Variants in MACROD2 observed in about 807,000 individuals in gnomAD.
MACROD2 encodes the protein ADP-ribose glycohydrolase MACROD2.
Under a neutral mutation model 70.4 loss-of-function variants are expected in MACROD2, and 36 were observed. The observed-to-expected ratio is 0.51, with a 90% CI of 0.39 to 0.68. The LOEUF (loss-of-function observed/expected upper bound fraction) is 0.68, where lower values mean the gene tolerates loss of function less well. Ranked by LOEUF, MACROD2 falls within the 30% of genes least tolerant of loss-of-function variation. The probability of loss-of-function intolerance (pLI) is 0.00; values close to 1 mark genes in which losing one functional copy is unlikely to be tolerated. For synonymous variants in MACROD2, 172 were observed against 178.8 expected, an observed-to-expected ratio of 0.96 and a Z score of 0.30; for missense variants, 496 against 538.4, an observed-to-expected ratio of 0.92 and a Z score of 0.78.
chr20:14,669,832 A>C (rs2070775089), intron 4 of MACROD2, among the ~76,000 whole-genome samples: 1 of 151,908 alleles, frequency 6.6e-6, no homozygotes. Context: ...CAAGGGCACA[A>C]TCTGTGCCTT....
At chr20:15,106,765 C>T (rs2075913918) in intron 5 of MACROD2, among the ~76,000 whole-genome samples, 1 of 152,162 alleles carries the variant, frequency 6.6e-6, no homozygotes, top group Admixed American at 6.5e-5. Context: ...CAGGACAGAG[C>T]ACTGCCCAGA....
At chr20:14,637,632 C>G (rs1984853262) in intron 4 of MACROD2, among the ~76,000 whole-genome samples, 1 of 152,188 alleles carries the variant, frequency 6.6e-6, no homozygotes, top group Non-Finnish European at 1.5e-5. Context: ...CTGTTGCTCA[C>G]ATTGTACTAC....
intron 9 of MACROD2, among the ~76,000 whole-genome samples, chr20:15,869,957 G>T (rs1262717846): frequency 6.6e-6 from 1 of 152,068 alleles, no homozygotes; most frequent in Non-Finnish European, 1.5e-5. Flanking sequence ...CACTGAGAAA[G>T]TGTAGCTTTG....
At chr20:14,803,669 CG>C (rs1293022757) in intron 5 of MACROD2, among the ~76,000 whole-genome samples, 2 of 151,832 alleles carry the variant, frequency 1.3e-5, no homozygotes, top group East Asian at 1.9e-4. Flanking sequence ...TTAGTAGAGA[CG>C]GGGTTTCACT....
At chr20:15,257,915 C>G (rs549025255) in intron 6 of MACROD2, among the ~76,000 whole-genome samples, 1 of 151,820 alleles carries the variant, frequency 6.6e-6, no homozygotes, top group Non-Finnish European at 1.5e-5. Flanking sequence ...GTGTTATTGC[C>G]CCTGAAGACC....
chr20:14,544,980 G>C (rs1490014943), intron 4 of MACROD2, among the ~76,000 whole-genome samples: 1 of 152,180 alleles, frequency 6.6e-6, no homozygotes, highest in African/African-American at 2.4e-5. Flanking sequence ...AGCTCGGCCT[G>C]CCTGAAATGG....
intron 8 of MACROD2, among the ~76,000 whole-genome samples, chr20:15,744,696 AC>A (rs2051154565): frequency 1.1e-3 from 1 of 938 alleles, no homozygotes; most frequent in Non-Finnish European, 1.9e-3. Context: ...CCAAGTATAC[AC>A]ACACACACAC....
chr20:15,172,333 A>G (rs2076428746), intron 5 of MACROD2, among the ~76,000 whole-genome samples: 1 of 152,060 alleles, frequency 6.6e-6, no homozygotes, highest in Non-Finnish European at 1.5e-5. Flanking sequence ...CAAGTTGGGG[A>G]AGGAATATTG....
At chr20:15,440,596 A>AC (rs2046482897) in intron 7 of MACROD2, among the ~76,000 whole-genome samples, 1 of 152,202 alleles carries the variant, frequency 6.6e-6, no homozygotes, top group African/African-American at 2.4e-5. Context: ...ACTTGGAAAA[A>AC]AATTAGGGCA....
intron 5 of MACROD2, among the ~76,000 whole-genome samples, chr20:15,008,528 C>A (rs2075057216): frequency 6.6e-6 from 1 of 152,174 alleles, no homozygotes; most frequent in African/African-American, 2.4e-5. Flanking sequence ...ATGACCTGAT[C>A]ATGGTGCAGG....
chr20:15,868,726 T>G (rs186225015), intron 9 of MACROD2, among the ~76,000 whole-genome samples: 41 of 152,226 alleles, frequency 2.7e-4, no homozygotes, highest in Non-Finnish European at 5.3e-4. Context: ...AGTAACTGAT[T>G]CATTCACAAT....
At chr20:15,345,138 C>T (rs545374391) in intron 6 of MACROD2, among the ~76,000 whole-genome samples, 4 of 152,172 alleles carry the variant, frequency 2.6e-5, no homozygotes, top group Non-Finnish European at 5.9e-5. Flanking sequence ...ATGGCCTTGT[C>T]TAATCTTGAT....
At chr20:14,484,318 A>ATG (rs1446624291) in intron 3 of MACROD2, among the ~76,000 whole-genome samples, 2 of 151,960 alleles carry the variant, frequency 1.3e-5, no homozygotes, top group African/African-American at 4.8e-5. Flanking sequence ...TACATAGTAG[A>ATG]TGTGTGTGTA....
chr20:14,229,700 C>T (rs1334527882), intron 3 of MACROD2, among the ~76,000 whole-genome samples: 1 of 152,192 alleles, frequency 6.6e-6, no homozygotes, highest in Non-Finnish European at 1.5e-5. Flanking sequence ...AGCACACATG[C>T]TTCTAGTATT....
intron 7 of MACROD2, among the ~76,000 whole-genome samples, chr20:15,473,969 T>C (rs1472192060): frequency 6.6e-6 from 1 of 152,224 alleles, no homozygotes; most frequent in East Asian, 1.9e-4. Flanking sequence ...TCAGACTGCC[T>C]AGATTTGAAT....
chr20:15,894,788 TG>T (rs2064944474), intron 10 of MACROD2, among the ~76,000 whole-genome samples: 1 of 152,206 alleles, frequency 6.6e-6, no homozygotes, highest in African/African-American at 2.4e-5. Context: ...GAAATGTGCT[TG>T]AAAGTTTAAA....
intron 8 of MACROD2, among the ~76,000 whole-genome samples, chr20:15,690,968 G>T (rs2050291903): frequency 6.6e-6 from 1 of 152,142 alleles, no homozygotes; most frequent in South Asian, 2.1e-4. Context: ...AAGTCTCTAA[G>T]CAGGTATTTT....
intron 3 of MACROD2, chr20:14,086,270 G>T: frequency 3.3e-6 from 1 of 302,010 alleles, no homozygotes; most frequent in African/African-American, 2.2e-5. Context: ...TAGTTGTCTA[G>T]TTAATTTTCC....
chr20:15,078,633 G>A (rs997062515), intron 5 of MACROD2, among the ~76,000 whole-genome samples: 11 of 152,000 alleles, frequency 7.2e-5, no homozygotes, highest in African/African-American at 2.7e-4. Context: ...GGAATTATCA[G>A]GAACTATTGG....
Sources: gnomAD v4.1 joint callset for allele counts (sites outside exome capture counted in the v4.1 genomes callset) on GRCh38, gnomAD v4.1.1 for gene constraint, MANE v1.5 for transcripts, NCBI Gene and HGNC (gene_info 2026-07-23, HGNC 2026-07-21) for gene names.